Variants in BMP6 observed in about 807,000 individuals in gnomAD.
The protein encoded by BMP6 is VG-1-R.
In BMP6, 17 loss-of-function variants were observed where a neutral mutation model predicts 54.1. The observed-to-expected ratio is 0.31, with a 90% confidence interval of 0.22 to 0.47. The LOEUF (loss-of-function observed/expected upper bound fraction) is 0.47. Ranked by LOEUF, BMP6 falls within the 20% of genes least tolerant of loss-of-function variation. The pLI, the probability that BMP6 is intolerant of heterozygous loss-of-function variation, is 1.00. For synonymous variants in BMP6, 328 were observed against 291.2 expected (o/e 1.13, Z -1.28); for missense variants, 720 against 690.4 (o/e 1.04, Z -0.48).
chr6:7,779,235 C>G (rs1355058215), intron 1 of BMP6, among the ~76,000 whole-genome samples: 2 of 152,228 alleles, frequency 1.3e-5, no homozygotes, highest in Non-Finnish European at 2.9e-5. Flanking sequence ...TGCCAGGCAA[C>G]CATGGTGCCC....
At chr6:7,874,223 ACATGGC>A (rs761168259) in intron 4 of BMP6, among the ~76,000 whole-genome samples, 5 of 152,168 alleles carry the variant, frequency 3.3e-5, no homozygotes, top group Admixed American at 6.5e-5. Context: ...GAATCCAGGC[ACATGGC>A]CACAGCTAAC....
At chr6:7,736,870 C>T (rs367849070) in intron 1 of BMP6, among the ~76,000 whole-genome samples, 287 of 152,218 alleles carry the variant, frequency 1.9e-3, no homozygotes, top group African/African-American at 6.7e-3. Flanking sequence ...CTATTCTGCT[C>T]CCTTACAGAG....
Position 7,862,339 on chromosome 6 carries a change from A to C in BMP6, c.1045A>C (p.Arg349=). The C allele has an allele frequency of 6.2e-7, 1 of 1,614,248 alleles. No homozygotes were observed. Among genetic ancestry groups the C allele is most frequent in the Non-Finnish European group, 8.5e-7 (1 of 1,180,034 alleles). Residue 349 remains arginine (R), a synonymous_variant, in exon 4 of 7, where the codon AGA becomes CGA. Transcript: ENST00000283147. Reference sequence around the variant, plus strand: ...CCCCCGAGCCGCAGGCCTGGTGGGCAGAGACGGCCCTTACGACAAGCAGCC... The same window carrying C: ...CCCCCGAGCCGCAGGCCTGGTGGGCCGAGACGGCCCTTACGACAAGCAGCC... The part of the protein sequence containing the change: ...VHPRAAGLVG[R]DGPYDKQPFM...
intron 1 of BMP6, among the ~76,000 whole-genome samples, chr6:7,736,142 T>G (rs999787148): frequency 2.0e-5 from 3 of 152,240 alleles, no homozygotes; most frequent in African/African-American, 7.2e-5. Flanking sequence ...TCTTTGTTTT[T>G]AAGTCTAGGA....
intron 2 of BMP6, among the ~76,000 whole-genome samples, chr6:7,858,335 T>G (rs1759281319): frequency 6.6e-6 from 1 of 152,172 alleles, no homozygotes; most frequent in South Asian, 2.1e-4. Flanking sequence ...TCCTCCTGCC[T>G]CAGCCTCCCA....
chr6:7,773,010 T>TA (rs1212765874), intron 1 of BMP6, among the ~76,000 whole-genome samples: 1 of 152,230 alleles, frequency 6.6e-6, no homozygotes, highest in African/African-American at 2.4e-5. Flanking sequence ...AATTTTCTCT[T>TA]ATTTCCAGAG....
rs1451675341 is a variant in BMP6 at position 7,817,562 on chromosome 6, G to A, written c.665-27578G>A. On this transcript the variant is annotated intron_variant, in intron 1 of 6. Transcript: ENST00000283147. ...ACACAGGGCGGGGAACATCACACAC[G>A]GGGGCCTGTCGTGGCGTGGGGGGTG... Among the ~76,000 whole-genome samples, 6 of 147,018 alleles carry A rather than the reference G, an allele frequency of 4.1e-5. No individual in the cohort carries two copies. In the East Asian group the frequency reaches 1.0e-3, roughly 25 times the overall value.
intron 1 of BMP6, among the ~76,000 whole-genome samples, chr6:7,729,290 C>T (rs1761808202): frequency 6.6e-6 from 1 of 152,160 alleles, no homozygotes; most frequent in Non-Finnish European, 1.5e-5. Context: ...CCTCCCCTTG[C>T]TCTCTTCCTC....
intron 1 of BMP6, among the ~76,000 whole-genome samples, chr6:7,784,275 G>T (rs1013412242): frequency 1.3e-5 from 2 of 151,950 alleles, no homozygotes; most frequent in Non-Finnish European, 2.9e-5. Flanking sequence ...TTATCTTCTT[G>T]TACCTCTGCC....
At chr6:7,806,909 T>C (rs1413239119) in intron 1 of BMP6, among the ~76,000 whole-genome samples, 1 of 152,188 alleles carries the variant, frequency 6.6e-6, no homozygotes, top group Non-Finnish European at 1.5e-5. Flanking sequence ...AAGATAGGAA[T>C]GTGTTGGTTG....
chr6:7,737,241 C>T (rs1412421277), intron 1 of BMP6, among the ~76,000 whole-genome samples: 3 of 151,450 alleles, frequency 2.0e-5, no homozygotes, highest in Non-Finnish European at 2.9e-5. Flanking sequence ...AGAAATTCAG[C>T]CTTGTCTCAT....
At chr6:7,746,240 A>G (rs1757345600) in intron 1 of BMP6, among the ~76,000 whole-genome samples, 1 of 152,178 alleles carries the variant, frequency 6.6e-6, no homozygotes, top group Non-Finnish European at 1.5e-5. Context: ...TTGCAAAGGT[A>G]GGCTGACGCC....
rs894220300 is a variant in BMP6 at position 7,881,363 on chromosome 6, CAT to C, written c.*1021_*1022del. On this transcript the variant is annotated 3_prime_UTR_variant, in exon 7 of 7. Coordinates refer to ENST00000283147, the MANE Select transcript of BMP6 (RefSeq NM_001718.6). ...ATTTTCTAAATGTCTTTTTCACAATCATGTACTGGGAAGGCAATTTCATACTA... is the reference window on the plus strand; with the variant it reads ...ATTTTCTAAATGTCTTTTTCACAATCGTACTGGGAAGGCAATTTCATACTA... The C allele has an allele frequency of 6.6e-6, 1 of 152,564 alleles. No individual in the cohort carries two copies. The highest frequency in any genetic ancestry group is 2.4e-5 in the African/African-American group (1 of 41,418). The allele number at this position is 152,564 out of a possible 1,614,324, so 9.5% of individuals were successfully genotyped here.
chr6:7,865,378 A>C (rs1479132742), intron 4 of BMP6, among the ~76,000 whole-genome samples: 1 of 152,166 alleles, frequency 6.6e-6, no homozygotes, highest in African/African-American at 2.4e-5. Context: ...ACCTATTTAA[A>C]GGCCCCCAAG....
intron 1 of BMP6, among the ~76,000 whole-genome samples, chr6:7,839,786 G>A (rs577778067): frequency 8.1e-4 from 123 of 152,282 alleles, no homozygotes; most frequent in African/African-American, 2.7e-3. Flanking sequence ...ACAAATATCC[G>A]TTCAAGGCCC....
chr6:7,727,567 G>C lies in BMP6; in HGVS notation c.612G>C (p.Gln204His), dbSNP rs183103360. 6.3e-7 allele frequency: 1 copy of C among 1,587,576 alleles called. No individual in the cohort carries two copies. Among genetic ancestry groups the C allele is most frequent in the Non-Finnish European group, 8.5e-7 (1 of 1,175,226 alleles). The change falls in exon 1 of 7, where the codon CAG (glutamine) becomes CAC (histidine). Residue 204 changes from glutamine to histidine, a missense_variant. Physicochemically the swap from Gln to His is conservative, Grantham distance 24. This residue lies in a region of BMP6 where 650 missense variants were observed against 556.3 expected (regional missense o/e 1.17). Coordinates refer to ENST00000283147, the MANE Select transcript of BMP6 (RefSeq NM_001718.6). Reference sequence around the variant, plus strand: ...GCGCGTCCCCACTGACCAGCGCGCAGGACAGCGCCTTCCTCAACGACGCGG... The same window carrying C: ...GCGCGTCCCCACTGACCAGCGCGCACGACAGCGCCTTCCTCAACGACGCGG... The part of the protein sequence containing the change: ...SGGASPLTSA[Q>H]DSAFLNDADM...
At chr6:7,806,453 A>G (rs1181859942) in intron 1 of BMP6, among the ~76,000 whole-genome samples, 1 of 152,198 alleles carries the variant, frequency 6.6e-6, no homozygotes, top group African/African-American at 2.4e-5. Flanking sequence ...GTAAATTGCT[A>G]AACTTTTTCT....
chr6:7,783,431 T>A (rs1208058198), intron 1 of BMP6, among the ~76,000 whole-genome samples: 1 of 152,280 alleles, frequency 6.6e-6, no homozygotes, highest in Non-Finnish European at 1.5e-5. Flanking sequence ...CTGAAAAGTC[T>A]TAACTATTTT....
intron 1 of BMP6, among the ~76,000 whole-genome samples, chr6:7,729,139 A>G (rs1761804359): frequency 6.6e-6 from 1 of 152,214 alleles, no homozygotes; most frequent in Non-Finnish European, 1.5e-5. Flanking sequence ...AACCAAATCC[A>G]AGGTTGAGCC....
Sources: allele counts gnomAD v4.1 joint callset (sites outside exome capture counted in the v4.1 genomes callset), GRCh38; gene constraint gnomAD v4.1.1; regional missense constraint gnomAD v4.1.1; transcripts MANE v1.5; gene names NCBI Gene and HGNC (gene_info 2026-07-23, HGNC 2026-07-21).